The following TBL1XR1 variants were observed in gnomAD, a reference collection of about 807,000 sequenced individuals.
TBL1XR1 encodes F-box-like/WD repeat-containing protein TBL1XR1.
TBL1XR1 carries 5 observed loss-of-function variants against 66.9 expected under a neutral mutation model. That is an observed-to-expected ratio of 0.07 (90% CI 0.04 to 0.16). The LOEUF (loss-of-function observed/expected upper bound fraction) is 0.16. Ranked by LOEUF, TBL1XR1 falls within the 10% of genes least tolerant of loss-of-function variation. TBL1XR1 has a pLI of 1.00. For synonymous variants in TBL1XR1, 210 were observed against 206.0 expected, an observed-to-expected ratio of 1.02 and a Z score of -0.17; for missense variants, 238 against 623.2, an observed-to-expected ratio of 0.38 and a Z score of 6.58.
At chr3:177,117,399 A>G (rs1284403276) in intron 1 of TBL1XR1, among the ~76,000 whole-genome samples, 1 of 152,244 alleles carries the variant, frequency 6.6e-6, no homozygotes, top group Non-Finnish European at 1.5e-5. Context: ...ATAATTACAC[A>G]GTATTTTAAA....
intron 1 of TBL1XR1, among the ~76,000 whole-genome samples, chr3:177,125,301 G>C (rs1043481230): frequency 6.6e-6 from 1 of 151,978 alleles, no homozygotes; most frequent in Non-Finnish European, 1.5e-5. Flanking sequence ...ATGAAAATAC[G>C]CTCAACATCA....
chr3:177,182,975 ACTCTT>A (rs1381927070), intron 1 of TBL1XR1, among the ~76,000 whole-genome samples: 2 of 151,952 alleles, frequency 1.3e-5, no homozygotes, highest in Non-Finnish European at 2.9e-5. Flanking sequence ...TCCCTCCAAA[ACTCTT>A]AAATTTACAT....
At chr3:177,199,647 T>C (rs1737304290), upstream of TBL1XR1, among the ~76,000 whole-genome samples, 2 of 151,894 alleles carry the variant, frequency 1.3e-5, no homozygotes, top group Admixed American at 1.3e-4. Flanking sequence ...CCCTTCTCCT[T>C]CCCCTAAATG....
At chr3:177,154,565 TTTTG>T in intron 1 of TBL1XR1, among the ~76,000 whole-genome samples, 1 of 152,194 alleles carries the variant, frequency 6.6e-6, no homozygotes, top group Non-Finnish European at 1.5e-5. Context: ...CCCAGCTAAT[TTTTG>T]TTTTTTTAGT....
intron 1 of TBL1XR1, among the ~76,000 whole-genome samples, chr3:177,100,607 T>C (rs536503889): frequency 5.9e-5 from 9 of 152,074 alleles, no homozygotes; most frequent in Non-Finnish European, 1.3e-4. Flanking sequence ...GTATTTTTAG[T>C]AGAGACGGGG....
At chr3:177,169,258 G>A (rs1198685758) in intron 1 of TBL1XR1, among the ~76,000 whole-genome samples, 1 of 152,078 alleles carries the variant, frequency 6.6e-6, no homozygotes. Flanking sequence ...TATACCTTTT[G>A]TAATCATTAG....
chr3:177,160,036 T>C (rs1286095061), intron 1 of TBL1XR1, among the ~76,000 whole-genome samples: 1 of 152,170 alleles, frequency 6.6e-6, no homozygotes, highest in African/African-American at 2.4e-5. Context: ...CATGTAACCC[T>C]GAGCACATTA....
At chr3:177,047,750 G>A (rs1049941715) in intron 7 of TBL1XR1, 17 of 555,714 alleles carry the variant, frequency 3.1e-5, no homozygotes, top group African/African-American at 3.0e-4. Context: ...TTGTATGGGG[G>A]CCTTATATCC....
At chr3:177,089,931 G>C (rs1049219099) in intron 2 of TBL1XR1, among the ~76,000 whole-genome samples, 2 of 152,162 alleles carry the variant, frequency 1.3e-5, no homozygotes, top group African/African-American at 4.8e-5. Flanking sequence ...CAGATTAAAA[G>C]ACATATATGT....
intron 1 of TBL1XR1, among the ~76,000 whole-genome samples, chr3:177,134,644 G>A: frequency 6.6e-6 from 1 of 152,046 alleles, no homozygotes; most frequent in Non-Finnish European, 1.5e-5. Context: ...TTTAGCTGGT[G>A]GTAATTTAAG....
At chr3:177,061,876 G>T (rs1024109268) in intron 3 of TBL1XR1, among the ~76,000 whole-genome samples, 12 of 152,134 alleles carry the variant, frequency 7.9e-5, no homozygotes, top group African/African-American at 2.7e-4. Context: ...TATTGCAAAA[G>T]TAGCCACATT....
chr3:177,056,513 C>T (rs1416047909), intron 3 of TBL1XR1, among the ~76,000 whole-genome samples: 1 of 152,178 alleles, frequency 6.6e-6, no homozygotes, highest in Non-Finnish European at 1.5e-5. Context: ...TAGTCATTAG[C>T]ATTGTTTTGG....
chr3:177,046,171 C>G lies in TBL1XR1; in HGVS notation c.883G>C (p.Ala295Pro), dbSNP rs1278353453. The change falls in exon 10 of 16, where the codon GCA becomes CCA. Residue 295 changes from alanine to proline, a missense_variant. By Grantham distance (27) the Ala-to-Pro change is conservative. This residue lies in a region of TBL1XR1 where 89 missense variants were observed against 220.2 expected (regional missense o/e 0.40). Coordinates refer to ENST00000457928, the MANE Select transcript of TBL1XR1 (RefSeq NM_024665.7). ...GVDKTTIIWD[A>P]HTGEAKQQFP... ...TGTTGCTTGGCTTCACCAGTATGTG[C>G]GTCCCAAATAATTGTAGTCTGAGAT... The G allele has an allele frequency of 6.5e-7, 1 of 1,536,444 alleles. No individual in the cohort carries two copies. The highest frequency in any genetic ancestry group is 8.8e-7 in the Non-Finnish European group (1 of 1,142,606).
At chr3:177,177,302 T>G (rs1345025632) in intron 1 of TBL1XR1, among the ~76,000 whole-genome samples, 2 of 151,778 alleles carry the variant, frequency 1.3e-5, no homozygotes, top group Non-Finnish European at 2.9e-5. Context: ...ATACAAAAAT[T>G]AACCGGGTGT....
chr3:177,152,257 C>G (rs1460567971), intron 1 of TBL1XR1, among the ~76,000 whole-genome samples: 1 of 152,126 alleles, frequency 6.6e-6, no homozygotes, highest in Non-Finnish European at 1.5e-5. Context: ...ATGCTTTTTA[C>G]TTTTCACTCC....
chr3:177,054,857 CACTT>C (rs1416066998), intron 3 of TBL1XR1, among the ~76,000 whole-genome samples: 1 of 152,126 alleles, frequency 6.6e-6, no homozygotes, highest in African/African-American at 2.4e-5. Flanking sequence ...AAAACCAAAG[CACTT>C]ACTTAATAAA....
At chr3:177,046,225 A>G (rs1265473852) in intron 9 of TBL1XR1, 36 bp from the exon 10 acceptor site, 21 of 1,466,618 alleles carry the variant, frequency 1.4e-5, no homozygotes, top group East Asian at 2.5e-5. Flanking sequence ...AAACTCATGG[A>G]AAGAAGTTTA....
At chr3:177,081,382 T>G (rs1721368430) in intron 2 of TBL1XR1, among the ~76,000 whole-genome samples, 1 of 152,234 alleles carries the variant, frequency 6.6e-6, no homozygotes. Flanking sequence ...ATTTTGATCA[T>G]GAGCTGTTTT....
intron 1 of TBL1XR1, among the ~76,000 whole-genome samples, chr3:177,176,629 A>T (rs982447415): frequency 2.6e-5 from 4 of 151,758 alleles, no homozygotes; most frequent in African/African-American, 7.3e-5. Context: ...CCCGGCCAAC[A>T]TGGAGAAACC....
Sources: gnomAD v4.1 joint callset for allele counts (sites outside exome capture counted in the v4.1 genomes callset) on GRCh38, gnomAD v4.1.1 for gene constraint, gnomAD v4.1.1 regional missense constraint, MANE v1.5 for transcripts, NCBI Gene and HGNC (gene_info 2026-07-23, HGNC 2026-07-21) for gene names.